HPSE2: variants seen among roughly 807,000 people sequenced by gnomAD.
HPSE2 encodes the protein heparanase 2 (inactive).
HPSE2 carries 38 observed loss-of-function variants against 60.5 expected under a neutral mutation model. The ratio of observed to expected loss-of-function variants is 0.63; its 90% CI spans 0.48 to 0.82. The LOEUF (loss-of-function observed/expected upper bound fraction) is 0.82. Among genes scored for constraint, HPSE2 ranks in the 40% least tolerant of loss-of-function variants. The probability of loss-of-function intolerance (pLI) is 0.00; values close to 1 mark genes in which losing one functional copy is unlikely to be tolerated. For synonymous variants in HPSE2, 295 were observed against 293.2 expected, an observed-to-expected ratio of 1.01 and a Z score of -0.06; for missense variants, 713 against 740.4, an observed-to-expected ratio of 0.96 and a Z score of 0.43.
intron 3 of HPSE2, among the ~76,000 whole-genome samples, chr10:98,993,225 T>C (rs1481007395): frequency 6.6e-6 from 1 of 152,250 alleles, no homozygotes; most frequent in Non-Finnish European, 1.5e-5. Flanking sequence ...GAGATGCCTT[T>C]TGGCTAGGCC....
intron 7 of HPSE2, among the ~76,000 whole-genome samples, chr10:98,623,904 G>A (rs1218814463): frequency 1.3e-5 from 2 of 152,096 alleles, no homozygotes; most frequent in African/African-American, 4.8e-5. Flanking sequence ...CTGGGCTGGA[G>A]GAAAACGCTG....
chr10:99,161,219 A>T (rs867417568), intron 2 of HPSE2, among the ~76,000 whole-genome samples: 10 of 134,276 alleles, frequency 7.4e-5, no homozygotes, highest in Non-Finnish European at 1.3e-4. Context: ...AGACTCTGTT[A>T]AAAAAAAAAA....
At chr10:98,719,884 C>T (rs1490122934) in intron 5 of HPSE2, among the ~76,000 whole-genome samples, 1 of 151,778 alleles carries the variant, frequency 6.6e-6, no homozygotes, top group East Asian at 1.9e-4. Context: ...ACCTGTAATC[C>T]CAGCTACTCG....
chr10:99,265,408 G>A, the HPSE2 span, among the ~76,000 whole-genome samples: 5 of 152,162 alleles, frequency 3.3e-5, no homozygotes, highest in Admixed American at 6.5e-5. Flanking sequence ...ACACATGGAG[G>A]GAAATGACAC....
intron 9 of HPSE2, among the ~76,000 whole-genome samples, chr10:98,560,792 C>T (rs928480471): frequency 1.3e-5 from 2 of 152,100 alleles, no homozygotes; most frequent in Admixed American, 6.5e-5. Context: ...GACATCATAG[C>T]CATTGTAATG....
intron 2 of HPSE2, among the ~76,000 whole-genome samples, chr10:99,163,135 C>T (rs568061230): frequency 6.6e-6 from 1 of 151,744 alleles, no homozygotes; most frequent in African/African-American, 2.4e-5. Context: ...GGCATGAACC[C>T]AGGAGGCCGA....
At chr10:99,278,779 A>G in the HPSE2 span, among the ~76,000 whole-genome samples, 1 of 152,224 alleles carries the variant, frequency 6.6e-6, no homozygotes, top group Non-Finnish European at 1.5e-5. Flanking sequence ...TACTATTAAA[A>G]TAGCCACTTC....
At chr10:98,673,690 A>G (rs1947563106) in intron 6 of HPSE2, among the ~76,000 whole-genome samples, 1 of 152,004 alleles carries the variant, frequency 6.6e-6, no homozygotes, top group South Asian at 2.1e-4. Flanking sequence ...GTGGGAGCTG[A>G]CTGATTTCTT....
chr10:99,208,026 T>C (rs1832174308), intron 2 of HPSE2, among the ~76,000 whole-genome samples: 1 of 148,600 alleles, frequency 6.7e-6, no homozygotes, highest in African/African-American at 2.5e-5. Flanking sequence ...AGTATAATTA[T>C]ATTATAATAT....
intron 3 of HPSE2, among the ~76,000 whole-genome samples, chr10:98,834,114 C>T (rs1182389139): frequency 6.6e-6 from 1 of 152,036 alleles, no homozygotes; most frequent in East Asian, 1.9e-4. Context: ...GTAAAACACA[C>T]CTTTATTTCA....
At chr10:98,985,297 C>A (rs1237834468) in intron 3 of HPSE2, among the ~76,000 whole-genome samples, 4 of 152,184 alleles carry the variant, frequency 2.6e-5, no homozygotes, top group Non-Finnish European at 5.9e-5. Flanking sequence ...GATCTCTTGG[C>A]AGAAACTCTA....
intron 11 of HPSE2, among the ~76,000 whole-genome samples, chr10:98,474,152 G>A (rs1306729227): frequency 6.6e-6 from 1 of 152,118 alleles, no homozygotes; most frequent in Non-Finnish European, 1.5e-5. Flanking sequence ...GAGTCTGCTG[G>A]GATAAATGGA....
At chr10:99,302,387 GGT>G in the HPSE2 span, among the ~76,000 whole-genome samples, 1 of 144,806 alleles carries the variant, frequency 6.9e-6, no homozygotes, top group African/African-American at 2.4e-5. Context: ...TCCCAAAGGA[GGT>G]AGCAGTTATA....
chr10:98,490,871 A>C (rs528701899), intron 9 of HPSE2, among the ~76,000 whole-genome samples: 1 of 152,344 alleles, frequency 6.6e-6, no homozygotes, highest in South Asian at 2.1e-4. Flanking sequence ...TTGATTTAAA[A>C]ATTTTCAATC....
chr10:99,174,700 C>T (rs1016345354), intron 2 of HPSE2, among the ~76,000 whole-genome samples: 9 of 152,130 alleles, frequency 5.9e-5, no homozygotes, highest in East Asian at 1.9e-4. Context: ...CCCTAACCCC[C>T]GGTACCTGAG....
intron 6 of HPSE2, 34 bp downstream of exon 6, chr10:98,693,866 A>C: frequency 2.0e-6 from 3 of 1,505,288 alleles, no homozygotes; most frequent in East Asian, 4.5e-5. Flanking sequence ...ACAGCAGCTG[A>C]TAATAAGTAA....
intron 6 of HPSE2, among the ~76,000 whole-genome samples, chr10:98,648,276 G>A (rs1340896657): frequency 2.0e-5 from 3 of 152,198 alleles, no homozygotes; most frequent in African/African-American, 7.2e-5. Flanking sequence ...CGGTGTTAAG[G>A]AGAGGTGTAC....
At chr10:99,108,456 A>T (rs377396773) in intron 3 of HPSE2, among the ~76,000 whole-genome samples, 13 of 152,070 alleles carry the variant, frequency 8.5e-5, no homozygotes, top group African/African-American at 3.1e-4. Flanking sequence ...TTATGTTTAG[A>T]TATCTGTTTC....
intron 3 of HPSE2, among the ~76,000 whole-genome samples, chr10:98,922,887 G>A (rs1275125302): frequency 6.6e-6 from 1 of 152,070 alleles, no homozygotes; most frequent in Non-Finnish European, 1.5e-5. Context: ...ATCTTTGATT[G>A]GTTCATCGTT....
Sources: gnomAD v4.1 joint callset for allele counts (sites outside exome capture counted in the v4.1 genomes callset) on GRCh38, gnomAD v4.1.1 for gene constraint, MANE v1.5 for transcripts, NCBI Gene and HGNC (gene_info 2026-07-23, HGNC 2026-07-21) for gene names.